Variants in BRWD1 observed in about 807,000 individuals in gnomAD.
The protein encoded by BRWD1 is bromodomain and WD repeat-containing protein 1.
A neutral mutation model predicts 251.2 loss-of-function variants in BRWD1; 82 were observed. That is an observed-to-expected ratio of 0.33 (90% confidence interval 0.27 to 0.39). The LOEUF is 0.39. BRWD1 is among the 10% of genes least tolerant of loss of function. The pLI is 1.00. For missense variants in BRWD1, 2,233 were observed against 2,711.6 expected, an observed-to-expected ratio of 0.82 and a Z score of 3.92; for synonymous variants, 918 against 902.8, an observed-to-expected ratio of 1.02 and a Z score of -0.30.
At chr21:39,209,156 TC>T (rs1231087936) in intron 36 of BRWD1, among the ~76,000 whole-genome samples, 3 of 151,572 alleles carry the variant, frequency 2.0e-5, no homozygotes, top group Non-Finnish European at 4.4e-5. Context: ...CACACTAACT[TC>T]CCCCAAATTT....
chr21:39,255,750 C>T lies in BRWD1; in HGVS notation c.2150G>A (p.Arg717His). ...LRRSGQVEGV[R>H]QMHQNAPRSQ... ...GCGTGGAGCGTTTTGATGCATCTGA[C>T]GAACACCTTCAACTTGTCCACTACG... Residue 717 changes from arginine (R) to histidine (H), a missense_variant, in exon 19 of 41, where the codon CGT (arginine) becomes CAT (histidine). Arg to His is a conservative substitution (Grantham distance 29, BLOSUM62 0). Around this residue, in one of 12 missense-constraint regions of BRWD1, gnomAD observed 35 missense variants for 76.3 expected, o/e 0.46. Coordinates refer to ENST00000342449, the MANE Select transcript of BRWD1 (RefSeq NM_033656.4). 1 of 1,614,120 alleles carries T rather than the reference C, an allele frequency of 6.2e-7. No homozygotes were observed. The highest frequency in any genetic ancestry group is 8.5e-7 in the Non-Finnish European group (1 of 1,180,014).
chr21:39,197,237 A>C lies in BRWD1; in HGVS notation c.5832T>G (p.Asp1944Glu), dbSNP rs754554344. 6.2e-7 allele frequency: 1 copy of C among 1,614,098 alleles called. No individual in the cohort carries two copies. Residue 1944 changes from aspartate to glutamate, a missense_variant, in exon 41 of 41, where the codon GAT becomes GAG. This residue lies in a region of BRWD1 where 928 missense variants were observed against 970.0 expected (regional missense o/e 0.96). Coordinates refer to ENST00000342449, the MANE Select transcript of BRWD1 (RefSeq NM_033656.4). ...TAANKIKLMS[D>E]VEDVSLENVH... is the part of the protein sequence containing the mutation. ...CATTTTCTAAACTGACATCTTCTAC[A>C]TCACTCATGAGCTTGATCTTATTGG...
At chr21:39,217,288 G>A (rs1449206702) in intron 31 of BRWD1, 1 of 153,146 alleles carries the variant, frequency 6.5e-6, no homozygotes, top group Non-Finnish European at 1.4e-5. Flanking sequence ...TAGAGAAGGG[G>A]TTTCACCATG....
rs2034247207 is a variant in BRWD1, at chr21:39,247,769, A to C, written c.2413T>G (p.Tyr805Asp). 6.2e-7 allele frequency: 1 copy of C among 1,613,576 alleles called. No individual in the cohort carries two copies. Among genetic ancestry groups the C allele is most frequent in the Non-Finnish European group, 8.5e-7 (1 of 1,179,852 alleles). The change falls in exon 21 of 41, where the codon TAT becomes GAT. Residue 805 changes from tyrosine to aspartate, a missense_variant. This residue lies in a region of BRWD1 where 214 missense variants were observed against 222.0 expected (regional missense o/e 0.96). Coordinates refer to ENST00000342449, the MANE Select transcript of BRWD1 (RefSeq NM_033656.4). ...CGCCAGCTACGATTTCTTCTACCAT[A>C]ATTTGGATATTTACGCCTACATGTC... ...QRTCRRKYPN[Y>D]GRRNRSWREL...
intron 23 of BRWD1, among the ~76,000 whole-genome samples, chr21:39,233,466 G>A (rs1298893104): frequency 1.3e-5 from 2 of 151,362 alleles, no homozygotes; most frequent in Non-Finnish European, 2.9e-5. Context: ...AAATAAATAG[G>A]GATGTTATTA....
At chr21:39,246,119 C>T (rs2034180656) in intron 21 of BRWD1, among the ~76,000 whole-genome samples, 1 of 152,040 alleles carries the variant, frequency 6.6e-6, no homozygotes, top group South Asian at 2.1e-4. Context: ...GAAAAGACAA[C>T]CCACAGAATG....
intron 21 of BRWD1, among the ~76,000 whole-genome samples, chr21:39,242,442 G>A (rs562484807): frequency 4.3e-4 from 66 of 152,308 alleles, no homozygotes; most frequent in South Asian, 8.3e-4. Context: ...GGTTCATGAG[G>A]TTTAGGGAAA....
chr21:39,192,152 T>G lies in BRWD1; in HGVS notation c.*4107A>C. The G allele has an allele frequency of 1.0e-6, 1 of 985,240 alleles. No individual in the cohort carries two copies. The highest frequency in any genetic ancestry group is 1.2e-6 in the Non-Finnish European group (1 of 829,784). The allele number at this position is 985,240 out of a possible 1,614,324, so 61.0% of individuals were successfully genotyped here. A position where few individuals can be genotyped will look rare whatever the true frequency, so the allele number is the denominator to read the frequency against. ...GATTATGAAAAAGGTAAAAATCTCT[T>G]ACTTTTGAGAATCCCCATGTATCCT... On this transcript the variant is annotated 3_prime_UTR_variant, in exon 41 of 41. Coordinates refer to ENST00000342449, the MANE Select transcript of BRWD1 (RefSeq NM_033656.4).
chr21:39,223,077 GGATTAAA>G (rs2033243109), intron 29 of BRWD1, among the ~76,000 whole-genome samples: 1 of 152,054 alleles, frequency 6.6e-6, no homozygotes, highest in South Asian at 2.1e-4. Context: ...GAGGGATCCT[GGATTAAA>G]GACTAAGATG....
At chr21:39,244,444 A>T (rs2146591073) in intron 21 of BRWD1, among the ~76,000 whole-genome samples, 1 of 152,270 alleles carries the variant, frequency 6.6e-6, no homozygotes, top group South Asian at 2.1e-4. Context: ...TTTTTAAAAG[A>T]GATTATAAGA....
At chr21:39,197,461 A>T in intron 40 of BRWD1, 46 bp from the exon 41 acceptor site, 3 of 1,427,690 alleles carry the variant, frequency 2.1e-6, no homozygotes, top group Non-Finnish European at 2.8e-6. Flanking sequence ...GTAAGTCTAA[A>T]GGAATTATAT....
At chr21:39,203,658 C>T (rs763845713) in intron 37 of BRWD1, among the ~76,000 whole-genome samples, 9 of 150,812 alleles carry the variant, frequency 6.0e-5, no homozygotes, top group Non-Finnish European at 1.0e-4. Flanking sequence ...CCACCCACCT[C>T]GGCCTCCCAA....
At chr21:39,301,798 C>G (rs1476454680) in intron 4 of BRWD1, among the ~76,000 whole-genome samples, 1 of 150,616 alleles carries the variant, frequency 6.6e-6, no homozygotes, top group Non-Finnish European at 1.5e-5. Flanking sequence ...TAAAAGCAAC[C>G]AGACCAAAAA....
intron 23 of BRWD1, chr21:39,236,034 A>G (rs1193890862): frequency 1.5e-5 from 3 of 202,056 alleles, no homozygotes; most frequent in African/African-American, 6.9e-5. Context: ...GCCTGCACCC[A>G]GCCCTCTGAC....
rs114295429 is a variant in BRWD1, at chr21:39,277,364, T to C, written c.1004-13A>G. 3,390 of 1,541,082 alleles carry C rather than the reference T, an allele frequency of 2.2e-3. 48 individuals carry two copies. The African/African-American group carries it at 0.038, about 17-fold the overall frequency. ...AAAAACATACCACCTGAAATAAAAA[T>C]GGTAAGGTTTAAACATCCAGTTTAT... is the stretch of plus-strand genomic sequence containing the variant. On this transcript the variant is annotated splice_polypyrimidine_tract_variant and intron_variant, in intron 10 of 40. Coordinates refer to ENST00000342449, the MANE Select transcript of BRWD1 (RefSeq NM_033656.4).
intron 1 of BRWD1, 45 bp from the exon 2 acceptor site, chr21:39,313,344 AG>A: frequency 1.4e-6 from 2 of 1,420,218 alleles, no homozygotes; most frequent in Admixed American, 2.1e-5. Flanking sequence ...CGGGGAGGGG[AG>A]GGGGACGGGG....
intron 4 of BRWD1, among the ~76,000 whole-genome samples, chr21:39,306,753 G>A (rs931253102): frequency 6.6e-6 from 1 of 152,168 alleles, no homozygotes; most frequent in Non-Finnish European, 1.5e-5. Context: ...AGAATTGCAA[G>A]TAGTCATTTT....
intron 15 of BRWD1, among the ~76,000 whole-genome samples, chr21:39,269,251 AT>A (rs1328933573): frequency 0.023 from 3,483 of 148,400 alleles, 133 homozygotes; most frequent in African/African-American, 0.081. Flanking sequence ...AAAAAAAAAA[AT>A]TTTTTTTTTT....
At chr21:39,222,773 A>G (rs1441131042) in intron 29 of BRWD1, among the ~76,000 whole-genome samples, 3 of 152,380 alleles carry the variant, frequency 2.0e-5, no homozygotes, top group Non-Finnish European at 4.4e-5. Flanking sequence ...TGGAAACAGC[A>G]TAAGAAACAA....
Sources: allele counts gnomAD v4.1 joint callset (sites outside exome capture counted in the v4.1 genomes callset), GRCh38; gene constraint gnomAD v4.1.1; regional missense constraint gnomAD v4.1.1; transcripts MANE v1.5; gene names NCBI Gene and HGNC (gene_info 2026-07-23, HGNC 2026-07-21).